THRB: variants seen among roughly 807,000 people sequenced by gnomAD.
THRB encodes nuclear receptor subfamily 1 group A member 2.
Under a neutral mutation model 47.8 loss-of-function variants are expected in THRB, and 12 were observed. The ratio of observed to expected loss-of-function variants is 0.25; its 90% CI spans 0.16 to 0.41. The LOEUF (loss-of-function observed/expected upper bound fraction) is 0.41. THRB is among the 10% of genes least tolerant of loss of function. The pLI is 1.00. For missense variants in THRB, 348 were observed against 589.2 expected (o/e 0.59, Z 4.24); for synonymous variants, 218 against 212.2 (o/e 1.03, Z -0.24).
At chr3:24,437,421 AC>A (rs2071082984) in intron 1 of THRB, among the ~76,000 whole-genome samples, 1 of 152,084 alleles carries the variant, frequency 6.6e-6, no homozygotes, top group Non-Finnish European at 1.5e-5. Context: ...GTTAATGGGT[AC>A]AAAAATACAG....
At chr3:24,411,249 C>T (rs898445078) in intron 1 of THRB, among the ~76,000 whole-genome samples, 7 of 151,656 alleles carry the variant, frequency 4.6e-5, no homozygotes, top group African/African-American at 1.5e-4. Context: ...AAAATTTGGG[C>T]CATTTTCTCA....
intron 5 of THRB, chr3:24,165,575 G>A: frequency 2.0e-6 from 1 of 498,624 alleles, no homozygotes; most frequent in Non-Finnish European, 3.5e-6. Context: ...TTTAGACCGA[G>A]GTGTCTTTTG....
At chr3:24,457,183 C>T (rs1344262735) in intron 1 of THRB, among the ~76,000 whole-genome samples, 2 of 152,078 alleles carry the variant, frequency 1.3e-5, no homozygotes, top group Non-Finnish European at 2.9e-5. Flanking sequence ...AATATAGTCA[C>T]CCTAACTAAG....
chr3:24,176,530 TGATGTA>T (rs2041178069), intron 5 of THRB, among the ~76,000 whole-genome samples: 1 of 152,186 alleles, frequency 6.6e-6, no homozygotes, highest in Non-Finnish European at 1.5e-5. Context: ...ATGCCACAGC[TGATGTA>T]GTTTCAAAAG....
At chr3:24,410,923 G>A (rs1389696505) in intron 1 of THRB, among the ~76,000 whole-genome samples, 1 of 151,844 alleles carries the variant, frequency 6.6e-6, no homozygotes, top group Non-Finnish European at 1.5e-5. Context: ...GTGAATTGGT[G>A]TAGGAATATA....
At chr3:24,358,523 T>C (rs1227922139) in intron 1 of THRB, among the ~76,000 whole-genome samples, 2 of 152,226 alleles carry the variant, frequency 1.3e-5, no homozygotes, top group African/African-American at 4.8e-5. Context: ...AATTAAAGAA[T>C]AATGCATCCT....
At chr3:24,317,168 A>C (rs2058173600) in intron 2 of THRB, among the ~76,000 whole-genome samples, 1 of 152,152 alleles carries the variant, frequency 6.6e-6, no homozygotes, top group African/African-American at 2.4e-5. Flanking sequence ...GGGGTCTGTA[A>C]GTATGAGTTT....
intron 1 of THRB, among the ~76,000 whole-genome samples, chr3:24,395,208 T>C (rs532824884): frequency 1.3e-5 from 2 of 152,108 alleles, no homozygotes; most frequent in Non-Finnish European, 2.9e-5. Flanking sequence ...GACCTTGGGT[T>C]ATGCAAAGCT....
At chr3:24,272,630 C>T (rs2053474115) in intron 3 of THRB, among the ~76,000 whole-genome samples, 1 of 152,116 alleles carries the variant, frequency 6.6e-6, no homozygotes, top group Non-Finnish European at 1.5e-5. Flanking sequence ...TCACACTTTT[C>T]TCAAAACCAT....
At chr3:24,333,406 A>G (rs1265864860) in intron 2 of THRB, among the ~76,000 whole-genome samples, 1 of 152,232 alleles carries the variant, frequency 6.6e-6, no homozygotes, top group African/African-American at 2.4e-5. Flanking sequence ...AAGTCCCCGG[A>G]ATGGAGAAAC....
At chr3:24,163,612 A>G (rs1178948654) in intron 5 of THRB, among the ~76,000 whole-genome samples, 2 of 152,238 alleles carry the variant, frequency 1.3e-5, no homozygotes. Context: ...TAAATTACTT[A>G]TACTATTAAA....
At chr3:24,226,468 T>A in intron 4 of THRB, among the ~76,000 whole-genome samples, 1 of 151,984 alleles carries the variant, frequency 6.6e-6, no homozygotes, top group East Asian at 1.9e-4. Flanking sequence ...CTGGAGTAGG[T>A]TTCTTTTGAA....
At chr3:24,177,628 G>A (rs574142699) in intron 5 of THRB, among the ~76,000 whole-genome samples, 1 of 152,266 alleles carries the variant, frequency 6.6e-6, no homozygotes, top group South Asian at 2.1e-4. Context: ...TGGGGCATGG[G>A]GGCGCACAGA....
intron 3 of THRB, among the ~76,000 whole-genome samples, chr3:24,248,262 T>C (rs2050309903): frequency 6.6e-6 from 1 of 152,112 alleles, no homozygotes; most frequent in South Asian, 2.1e-4. Context: ...CGCATTGAGC[T>C]ATCAGGCTCA....
At chr3:24,143,826 C>A in intron 7 of THRB, 120 bp from the exon 8 acceptor site, 1 of 979,520 alleles carries the variant, frequency 1.0e-6, no homozygotes, top group Admixed American at 1.9e-5. Flanking sequence ...CTGGGTCCTT[C>A]GGGGTGGGTC....
At chr3:24,158,675 C>T (rs2038280887) in intron 5 of THRB, among the ~76,000 whole-genome samples, 2 of 152,230 alleles carry the variant, frequency 1.3e-5, no homozygotes, top group Admixed American at 1.3e-4. Context: ...GGTAGTCTAC[C>T]TGCCTCGGCC....
intron 3 of THRB, among the ~76,000 whole-genome samples, chr3:24,230,411 A>G (rs576636902): frequency 2.2e-4 from 33 of 152,334 alleles, no homozygotes; most frequent in Non-Finnish European, 4.0e-4. Flanking sequence ...AATGAAGTTG[A>G]TATAGCATAG....
intron 1 of THRB, among the ~76,000 whole-genome samples, chr3:24,454,830 T>C (rs1258406659): frequency 1.3e-5 from 2 of 152,186 alleles, no homozygotes; most frequent in Non-Finnish European, 1.5e-5. Context: ...AAAGAAAACA[T>C]ACTCGGAAAG....
chr3:24,329,337 T>C (rs1411695906), intron 2 of THRB, among the ~76,000 whole-genome samples: 6 of 152,234 alleles, frequency 3.9e-5, no homozygotes, highest in Admixed American at 3.3e-4. Flanking sequence ...TGTCCTCCTA[T>C]ACATTTACTG....
Sources: gnomAD v4.1 joint callset for allele counts (sites outside exome capture counted in the v4.1 genomes callset) on GRCh38, gnomAD v4.1.1 for gene constraint, MANE v1.5 for transcripts, NCBI Gene and HGNC (gene_info 2026-07-23, HGNC 2026-07-21) for gene names.